Variants in CNTN6 observed in about 807,000 individuals in gnomAD.
The protein encoded by CNTN6 is contactin-6.
CNTN6 carries 137 observed loss-of-function variants against 122.8 expected under a neutral mutation model. The ratio of observed to expected loss-of-function variants is 1.12; its 90% CI spans 0.97 to 1.29. The LOEUF (loss-of-function observed/expected upper bound fraction) is 1.29. CNTN6 is among the 50% of genes most tolerant of loss of function. The pLI, the probability that CNTN6 is intolerant of heterozygous loss-of-function variation, is 0.00. For synonymous variants in CNTN6, 570 were observed against 426.0 expected, an observed-to-expected ratio of 1.34 and a Z score of -4.16; for missense variants, 1,634 against 1,223.4, an observed-to-expected ratio of 1.34 and a Z score of -5.01.
intron 2 of CNTN6, among the ~76,000 whole-genome samples, chr3:1,161,738 G>A (rs931905479): frequency 3.7e-4 from 55 of 149,342 alleles, no homozygotes; most frequent in African/African-American, 7.9e-4. Flanking sequence ...AGACCCCATG[G>A]TGCCCTTAGG....
intron 7 of CNTN6, among the ~76,000 whole-genome samples, chr3:1,311,405 T>C (rs1423353964): frequency 4.6e-5 from 4 of 87,592 alleles, no homozygotes; most frequent in Non-Finnish European, 8.5e-5. Flanking sequence ...TATATGTACA[T>C]ATAAAATGTC....
At position 1,374,311 on chromosome 3, in the gene CNTN6, G is replaced by A. The variant is rs74667670; in HGVS notation, c.2095+238G>A. On this transcript the variant is annotated intron_variant, in intron 16 of 22. Coordinates refer to ENST00000446702, the MANE Select transcript of CNTN6 (RefSeq NM_001289080.2). ...CAACATGTCAAAATCAGAGTTCTTA[G>A]GAAACTGTGTTTGCATCGCATCTAT... 9.0e-3 allele frequency among the ~76,000 whole-genome samples: 1,367 copies of A among 152,092 alleles called. 28 individuals are homozygous for A. Among genetic ancestry groups the A allele is most frequent in the African/African-American group, 0.031 (1,305 of 41,496 alleles).
chr3:1,119,354 G>GTGTGT (rs1339996215), intron 1 of CNTN6, among the ~76,000 whole-genome samples: 165 of 8,822 alleles, frequency 0.019, no homozygotes, highest in African/African-American at 0.045. Flanking sequence ...TGTGTGTGTG[G>GTGTGT]AGAATGTCTC....
chr3:1,299,529 A>T (rs1696845114), intron 7 of CNTN6, among the ~76,000 whole-genome samples: 1 of 152,208 alleles, frequency 6.6e-6, no homozygotes, highest in South Asian at 2.1e-4. Flanking sequence ...AGCACCTATA[A>T]CTAAGCATTT....
At chr3:1,349,208 A>G (rs1705234577) in intron 11 of CNTN6, among the ~76,000 whole-genome samples, 2 of 151,966 alleles carry the variant, frequency 1.3e-5, no homozygotes, top group Admixed American at 6.6e-5. Flanking sequence ...TATTAGTAGT[A>G]TAACTTCAAC....
At chr3:1,136,596 T>C (rs956829883) in intron 1 of CNTN6, among the ~76,000 whole-genome samples, 1 of 152,162 alleles carries the variant, frequency 6.6e-6, no homozygotes, top group African/African-American at 2.4e-5. Context: ...ATAAACACAC[T>C]GTAGGAAGCC....
At chr3:1,185,997 A>G (rs905727473) in intron 2 of CNTN6, among the ~76,000 whole-genome samples, 2 of 152,154 alleles carry the variant, frequency 1.3e-5, no homozygotes, top group African/African-American at 4.8e-5. Context: ...CATCCAAAAC[A>G]ATTCACCAAA....
intron 1 of CNTN6, among the ~76,000 whole-genome samples, chr3:1,129,391 T>G (rs939219696): frequency 5.3e-5 from 8 of 152,054 alleles, no homozygotes; most frequent in African/African-American, 1.9e-4. Context: ...CCCGTTGGTG[T>G]GACCAAAATT....
chr3:1,146,117 C>G (rs1225551191), intron 1 of CNTN6, among the ~76,000 whole-genome samples: 1 of 151,954 alleles, frequency 6.6e-6, no homozygotes, highest in East Asian at 1.9e-4. Context: ...GTTTTTACTC[C>G]ATCTCTTTCA....
At position 1,321,828 on chromosome 3, in the gene CNTN6, T is replaced by G. The variant is rs774763830; in HGVS notation, c.940T>G (p.Phe314Val). 7.5e-6 allele frequency: 12 copies of G among 1,601,628 alleles called. No individual in the cohort carries two copies. The highest frequency in any genetic ancestry group is 1.0e-5 in the Non-Finnish European group (12 of 1,174,720). Residue 314 changes from phenylalanine (F) to valine (V), a missense_variant, in exon 8 of 23, where the codon TTT becomes GTT. Physicochemically the swap from Phe to Val is conservative, Grantham distance 50. Coordinates refer to ENST00000446702, the MANE Select transcript of CNTN6 (RefSeq NM_001289080.2). ...GRNLAKGQLI[F>V]YAPPEWEQKI... Reference sequence around the variant, plus strand: ...AAACCTTGCAAAGGGTCAACTCATTTTTTATGGTGAGCTAATTGGATTTCA... The same window carrying G: ...AAACCTTGCAAAGGGTCAACTCATTGTTTATGGTGAGCTAATTGGATTTCA...
intron 4 of CNTN6, among the ~76,000 whole-genome samples, chr3:1,229,537 C>T (rs1223659489): frequency 6.6e-6 from 1 of 152,124 alleles, no homozygotes; most frequent in Non-Finnish European, 1.5e-5. Flanking sequence ...TCAATGCACT[C>T]TTTGATATAA....
chr3:1,394,245 G>A lies in CNTN6; in HGVS notation c.2705-7188G>A, dbSNP rs538405290. 18 of 242,640 alleles carry A rather than the reference G, an allele frequency of 7.4e-5. No individual in the cohort carries two copies. In the East Asian group the frequency reaches 2.2e-3, roughly 30 times the overall value. 15.0% of individuals were successfully genotyped at this position (242,640 alleles called of 1,614,324 possible). ...CCGCACCAATAGTGCCAGCCCCACTGCCAGGAACAAGACAGCCAGGAATCA... is the reference window on the plus strand; with the variant it reads ...CCGCACCAATAGTGCCAGCCCCACTACCAGGAACAAGACAGCCAGGAATCA... On this transcript the variant is annotated intron_variant, in intron 20 of 22. Transcript: ENST00000446702.
chr3:1,314,871 A>G (rs1035642438), intron 7 of CNTN6, among the ~76,000 whole-genome samples: 1 of 152,072 alleles, frequency 6.6e-6, no homozygotes, highest in Non-Finnish European at 1.5e-5. Flanking sequence ...ACAAAATAAG[A>G]AAAGGCTTTT....
At chr3:1,383,646 CAAAAACAAAAACAAAAACAA>C (rs1432586933) in intron 19 of CNTN6, among the ~76,000 whole-genome samples, 5 of 117,140 alleles carry the variant, frequency 4.3e-5, no homozygotes, top group Non-Finnish European at 1.1e-4. Flanking sequence ...GGTAAAAAAA[CAAAAACAAAAACAAAAACAA>C]AAAAAAACAG....
In CNTN6 at chr3:1,295,724, A is replaced by G. The variant is rs1402605405; in HGVS notation, c.578A>G (p.Asn193Ser). Residue 193 changes from asparagine (N) to serine (S), a missense_variant, in exon 6 of 23, where the codon AAC becomes AGC. Transcript: ENST00000446702. Reference protein sequence around the residue: ...IAKVEPSDVGNYTCFITNKEA... With the variant: ...IAKVEPSDVGSYTCFITNKEA... Reference sequence around the variant, plus strand: ...AAAGTGGAACCATCAGATGTGGGCAACTACACTTGCTTTATAACTAACAAA... The same window carrying G: ...AAAGTGGAACCATCAGATGTGGGCAGCTACACTTGCTTTATAACTAACAAA... 17 of 1,614,104 alleles carry G rather than the reference A, an allele frequency of 1.1e-5. No homozygotes were observed. Among genetic ancestry groups the G allele is most frequent in the Non-Finnish European group, 1.4e-5 (16 of 1,179,958 alleles).
intron 4 of CNTN6, among the ~76,000 whole-genome samples, chr3:1,240,292 G>A (rs1235943655): frequency 6.6e-6 from 1 of 151,974 alleles, no homozygotes; most frequent in Non-Finnish European, 1.5e-5. Context: ...GACTGATATC[G>A]AGAATCTACA....
At chr3:1,281,983 T>TACACACACACAC in intron 5 of CNTN6, among the ~76,000 whole-genome samples, 1 of 149,906 alleles carries the variant, frequency 6.7e-6, no homozygotes. Context: ...TATATAGGTA[T>TACACACACACAC]ACACACACAC....
At chr3:1,187,161 C>T (rs745736810) in intron 2 of CNTN6, among the ~76,000 whole-genome samples, 19 of 152,046 alleles carry the variant, frequency 1.2e-4, no homozygotes, top group Non-Finnish European at 2.1e-4. Flanking sequence ...TTCCAATGGT[C>T]GATTTTCCCC....
At chr3:1,307,594 T>G (rs952461375) in intron 7 of CNTN6, among the ~76,000 whole-genome samples, 1 of 152,276 alleles carries the variant, frequency 6.6e-6, no homozygotes, top group East Asian at 1.9e-4. Flanking sequence ...CAAATTTATT[T>G]GGTATTTATG....
Sources: allele counts gnomAD v4.1 joint callset (sites outside exome capture counted in the v4.1 genomes callset), GRCh38; gene constraint gnomAD v4.1.1; transcripts MANE v1.5; gene names NCBI Gene and HGNC (gene_info 2026-07-23, HGNC 2026-07-21).